The following NBEA variants were observed in gnomAD, a reference collection of about 807,000 sequenced individuals.
NBEA encodes the protein lysosomal-trafficking regulator 2.
NBEA carries 44 observed loss-of-function variants against 343.4 expected under a neutral mutation model. The observed-to-expected ratio is 0.13, with a 90% CI of 0.10 to 0.16. The LOEUF (loss-of-function observed/expected upper bound fraction) is 0.16, where lower values mean the gene tolerates loss of function less well. Ranked by LOEUF, NBEA falls within the 10% of genes least tolerant of loss-of-function variation. The pLI is 1.00. For missense variants in NBEA, 2,555 were observed against 3,631.3 expected, an observed-to-expected ratio of 0.70 and a Z score of 7.62; for synonymous variants, 1,175 against 1,238.7, an observed-to-expected ratio of 0.95 and a Z score of 1.08.
At chr13:35,017,700 C>T (rs1049098559) in intron 1 of NBEA, among the ~76,000 whole-genome samples, 3 of 152,098 alleles carry the variant, frequency 2.0e-5, no homozygotes, top group Non-Finnish European at 2.9e-5. Context: ...ATTCTGGGTA[C>T]AAGTCTTATC....
intron 47 of NBEA, among the ~76,000 whole-genome samples, chr13:35,605,270 G>C (rs780823451): frequency 1.1e-4 from 17 of 152,150 alleles, no homozygotes; most frequent in Admixed American, 3.9e-4. Context: ...ATCATCATAA[G>C]AGTAATGGTC....
intron 1 of NBEA, among the ~76,000 whole-genome samples, chr13:35,016,436 A>G (rs1273186392): frequency 6.6e-6 from 1 of 152,176 alleles, no homozygotes; most frequent in Non-Finnish European, 1.5e-5. Flanking sequence ...TGGACATTTG[A>G]CAACTCATTT....
intron 8 of NBEA, among the ~76,000 whole-genome samples, chr13:35,067,457 A>G (rs2063696255): frequency 1.3e-5 from 2 of 152,172 alleles, no homozygotes; most frequent in African/African-American, 4.8e-5. Context: ...AGTGTAATTT[A>G]CATGCCATAC....
chr13:35,201,009 T>TTTCA, intron 31 of NBEA, among the ~76,000 whole-genome samples: 1 of 151,518 alleles, frequency 6.6e-6, no homozygotes, highest in Non-Finnish European at 1.5e-5. Flanking sequence ...TTCTTATTAC[T>TTTCA]ATTTTTTTAA....
chr13:35,477,056 G>A (rs2075907160), intron 41 of NBEA: 1 of 167,382 alleles, frequency 6.0e-6, no homozygotes, highest in Admixed American at 6.5e-5. Flanking sequence ...TCTTGACGGG[G>A]TTTTCTAAAA....
chr13:35,468,108 A>ACCC lies in NBEA; in HGVS notation c.6449-4284_6449-4282dup, dbSNP rs1346379931. 3.4e-3 allele frequency among the ~76,000 whole-genome samples: 277 copies of ACCC among 81,258 alleles called. 14 individuals are homozygous for ACCC. The highest frequency in any genetic ancestry group is 0.021 in the East Asian group (45 of 2,176). 53.3% of individuals were successfully genotyped at this position (81,258 alleles called of 152,430 possible). On this transcript the variant is annotated intron_variant, in intron 40 of 58. Transcript: ENST00000379939. ...GTACCCCCTCCTGAAAATGATTTAC[A>ACCC]CCCCCCCCCCACTCCCCTCCCCTGA...
chr13:34,971,000 CTA>C (rs1452003098), intron 1 of NBEA, among the ~76,000 whole-genome samples: 1 of 152,116 alleles, frequency 6.6e-6, no homozygotes, highest in Non-Finnish European at 1.5e-5. Flanking sequence ...TTTTTCCTAT[CTA>C]TGAGTGTGGA....
chr13:35,414,624 C>A (rs2043792673), intron 38 of NBEA, among the ~76,000 whole-genome samples: 1 of 152,162 alleles, frequency 6.6e-6, no homozygotes, highest in Non-Finnish European at 1.5e-5. Flanking sequence ...TTAATCCAGT[C>A]TATCATTGAT....
At chr13:35,483,487 A>G (rs2076195533) in intron 41 of NBEA, among the ~76,000 whole-genome samples, 1 of 152,034 alleles carries the variant, frequency 6.6e-6, no homozygotes, top group Non-Finnish European at 1.5e-5. Context: ...ACATGTGTAT[A>G]AATATACATT....
intron 35 of NBEA, among the ~76,000 whole-genome samples, chr13:35,299,789 A>G (rs2036411413): frequency 6.6e-6 from 1 of 152,222 alleles, no homozygotes; most frequent in African/African-American, 2.4e-5. Flanking sequence ...ACTTTAAAAT[A>G]TACCTTTTTC....
In NBEA at chr13:35,058,999, A is replaced by G. The variant is rs971723692; in HGVS notation, c.1239+136A>G. The G allele has an allele frequency of 1.1e-5, 8 of 698,038 alleles. No individual in the cohort carries two copies. In the African/African-American group the frequency reaches 1.3e-4, roughly 11 times the overall value. 43.2% of individuals were successfully genotyped at this position (698,038 alleles called of 1,614,324 possible). ...TTTTGGAATGTAGTCAAGTTTTATT[A>G]TATGTTTCTTTTTGGTTCAAAGATG... On this transcript the variant is annotated intron_variant, in intron 8 of 58. Coordinates refer to ENST00000379939, the MANE Select transcript of NBEA (RefSeq NM_001385012.1).
intron 25 of NBEA, 121 bp downstream of exon 25, chr13:35,169,116 T>A (rs1011744030): frequency 4.7e-6 from 3 of 645,092 alleles, no homozygotes; most frequent in Non-Finnish European, 7.3e-6. Context: ...ATGAGACATA[T>A]CTTTTGTATA....
chr13:35,403,985 A>G (rs1182729991), intron 38 of NBEA, among the ~76,000 whole-genome samples: 1 of 150,350 alleles, frequency 6.7e-6, no homozygotes, highest in Non-Finnish European at 1.5e-5. Context: ...TATGCAGCCA[A>G]AAACACATGA....
rs141552916 is a variant in NBEA, at chr13:35,490,577, T to C, written c.6585+18041T>C. On this transcript the variant is annotated intron_variant, in intron 41 of 58. Transcript: ENST00000379939. ...TTTTACCTTCTGCCTAAAAGTCAGC[T>C]AAACACTCGAAAACATGTCTTAGGA... 4.8e-3 allele frequency among the ~76,000 whole-genome samples: 737 copies of C among 152,048 alleles called. 5 individuals carry two copies. Among genetic ancestry groups the C allele is most frequent in the African/African-American group, 0.016 (676 of 41,538 alleles).
intron 8 of NBEA, among the ~76,000 whole-genome samples, chr13:35,063,402 T>A (rs538280196): frequency 6.6e-6 from 1 of 152,110 alleles, no homozygotes. Flanking sequence ...TGGAAGTTGA[T>A]GCTAGCCAAG....
chr13:35,414,380 C>A (rs1215522465), intron 38 of NBEA, among the ~76,000 whole-genome samples: 1 of 152,004 alleles, frequency 6.6e-6, no homozygotes, highest in Non-Finnish European at 1.5e-5. Flanking sequence ...TCCCTCCTCC[C>A]TCCCCCCACC....
At chr13:35,539,146 T>C (rs2078691812) in intron 41 of NBEA, among the ~76,000 whole-genome samples, 1 of 152,192 alleles carries the variant, frequency 6.6e-6, no homozygotes, top group African/African-American at 2.4e-5. Context: ...TGCAGAGACA[T>C]ACAGAATTCC....
chr13:35,498,227 G>C (rs2076756371), intron 41 of NBEA, among the ~76,000 whole-genome samples: 2 of 151,998 alleles, frequency 1.3e-5, no homozygotes, highest in Non-Finnish European at 2.9e-5. Flanking sequence ...AGTCCTCTCT[G>C]TGTTGAAAAT....
chr13:35,655,784 A>T, intron 55 of NBEA, 35 bp downstream of exon 55: 1 of 1,561,722 alleles, frequency 6.4e-7, no homozygotes, highest in Non-Finnish European at 8.7e-7. Context: ...CTATCAAACT[A>T]TAGTTTATTT....
Sources: allele counts gnomAD v4.1 joint callset (sites outside exome capture counted in the v4.1 genomes callset), GRCh38; gene constraint gnomAD v4.1.1; transcripts MANE v1.5; gene names NCBI Gene and HGNC (gene_info 2026-07-23, HGNC 2026-07-21).